Variants in SLC15A5 observed in about 807,000 individuals in gnomAD.
The protein encoded by SLC15A5 is Peptide/histidine transporter ENSP00000340402.
A neutral mutation model predicts 56.1 loss-of-function variants in SLC15A5; 58 were observed. The ratio of observed to expected loss-of-function variants is 1.03; its 90% CI spans 0.84 to 1.29. The LOEUF is 1.29. SLC15A5 is among the 50% of genes most tolerant of loss of function. SLC15A5 has a pLI of 0.00. For synonymous variants in SLC15A5, 264 were observed against 250.5 expected (o/e 1.05, Z -0.51); for missense variants, 681 against 672.1 (o/e 1.01, Z -0.15).
chr12:16,229,573 T>A (rs1234456337), intron 5 of SLC15A5, among the ~76,000 whole-genome samples: 1 of 151,878 alleles, frequency 6.6e-6, no homozygotes, highest in Non-Finnish European at 1.5e-5. Context: ...AAGAATTGGA[T>A]CTAAGTTTGT....
At chr12:16,209,498 C>CT (rs1297947626) in intron 7 of SLC15A5, among the ~76,000 whole-genome samples, 1 of 151,976 alleles carries the variant, frequency 6.6e-6, no homozygotes, top group Non-Finnish European at 1.5e-5. Context: ...TAACAAAGAC[C>CT]TTTTTTTCTG....
intron 2 of SLC15A5, among the ~76,000 whole-genome samples, chr12:16,262,572 A>G (rs901103683): frequency 2.0e-5 from 3 of 152,278 alleles, no homozygotes; most frequent in Admixed American, 6.5e-5. Context: ...AGCCAATGTC[A>G]TCATCAAATG....
At chr12:16,218,662 T>C (rs1263906702) in intron 6 of SLC15A5, among the ~76,000 whole-genome samples, 7 of 152,248 alleles carry the variant, frequency 4.6e-5, no homozygotes, top group Admixed American at 3.3e-4. Flanking sequence ...AGAAATAGTA[T>C]AGTAAAATAT....
At chr12:16,231,325 T>C (rs1313758256) in intron 5 of SLC15A5, among the ~76,000 whole-genome samples, 2 of 152,020 alleles carry the variant, frequency 1.3e-5, no homozygotes, top group Non-Finnish European at 2.9e-5. Flanking sequence ...GCAAAGAAAT[T>C]TGGAAAAGGT....
chr12:16,191,249 C>T (rs551954754), intron 8 of SLC15A5, among the ~76,000 whole-genome samples: 1 of 152,068 alleles, frequency 6.6e-6, no homozygotes, highest in South Asian at 2.1e-4. Context: ...GTCCCAGTAA[C>T]CCTCACAAGA....
chr12:16,191,601 A>G (rs889175567), intron 8 of SLC15A5, among the ~76,000 whole-genome samples: 1 of 152,096 alleles, frequency 6.6e-6, no homozygotes, highest in Non-Finnish European at 1.5e-5. Flanking sequence ...ACTTTTCCCC[A>G]TTTCTTTGCA....
At chr12:16,261,727 G>T (rs1864644946) in intron 2 of SLC15A5, among the ~76,000 whole-genome samples, 1 of 152,086 alleles carries the variant, frequency 6.6e-6, no homozygotes, top group African/African-American at 2.4e-5. Context: ...TCATATCCCT[G>T]CCAAAACTTG....
In SLC15A5 at chr12:16,194,402, A is replaced by G. The variant is rs1333154601; in HGVS notation, c.1535T>C (p.Phe512Ser). ...CAACAATGTTAATGATGCCAGGAAG[A>G]AGAAGAAGCTTTCTAAATTGCCTTT... Reference protein sequence around the residue: ...LNKGNLESFFFFLASLTLLNV... With the variant: ...LNKGNLESFFSFLASLTLLNV... Residue 512 changes from phenylalanine (F) to serine (S), a missense_variant, in exon 8 of 9, where the codon TTC (phenylalanine) becomes TCC (serine). Phe to Ser is a radical substitution (Grantham distance 155). Coordinates refer to ENST00000344941, the MANE Select transcript of SLC15A5 (RefSeq NM_001170798.1). 2.0e-6 allele frequency: 3 copies of G among 1,535,514 alleles called. No individual in the cohort carries two copies. In the East Asian group the frequency reaches 7.3e-5, roughly 38 times the overall value.
At chr12:16,250,127 T>G (rs984790333) in intron 3 of SLC15A5, among the ~76,000 whole-genome samples, 7 of 152,058 alleles carry the variant, frequency 4.6e-5, no homozygotes, top group Admixed American at 3.9e-4. Context: ...TGGTTCCACT[T>G]CAGCTCTTTT....
chr12:16,201,997 T>C (rs375267348), intron 7 of SLC15A5, among the ~76,000 whole-genome samples: 3 of 152,108 alleles, frequency 2.0e-5, no homozygotes, highest in East Asian at 3.9e-4. Flanking sequence ...GACATGAAAC[T>C]GTAAAACTAC....
At chr12:16,213,377 C>G (rs1864101817) in intron 7 of SLC15A5, among the ~76,000 whole-genome samples, 1 of 152,122 alleles carries the variant, frequency 6.6e-6, no homozygotes, top group African/African-American at 2.4e-5. Context: ...GATTCAAATT[C>G]AGGTGGTCTG....
intron 2 of SLC15A5, among the ~76,000 whole-genome samples, chr12:16,270,158 A>G (rs549521306): frequency 6.6e-6 from 1 of 152,284 alleles, no homozygotes; most frequent in Non-Finnish European, 1.5e-5. Context: ...TCTCACCTAC[A>G]TTTGGCAGCT....
At chr12:16,215,116 T>A (rs956732159) in intron 7 of SLC15A5, among the ~76,000 whole-genome samples, 1 of 148,226 alleles carries the variant, frequency 6.7e-6, no homozygotes, top group Non-Finnish European at 1.5e-5. Context: ...GGCAGGAGAA[T>A]TGCTTGAACT....
At chr12:16,242,071 C>T (rs1864419015) in intron 4 of SLC15A5, among the ~76,000 whole-genome samples, 1 of 152,102 alleles carries the variant, frequency 6.6e-6, no homozygotes, top group East Asian at 1.9e-4. Context: ...CCAGTAATGT[C>T]AAATGGCAAC....
chr12:16,199,881 A>G (rs996577269), intron 7 of SLC15A5, among the ~76,000 whole-genome samples: 11 of 152,248 alleles, frequency 7.2e-5, no homozygotes, highest in African/African-American at 2.6e-4. Context: ...ATAGCCATGT[A>G]TGCTTGACAC....
Position 16,235,270 on chromosome 12 carries a change from ATG to A in SLC15A5, c.1162+4409_1162+4410del, listed in dbSNP as rs1491099572. On this transcript the variant is annotated intron_variant, in intron 5 of 8. Transcript: ENST00000344941. This position sits in a 1 kb window ranked among gnomAD's most constrained non-coding sequence, Gnocchi z 4.1. ...AGTATATATGTGTATATATATGTAT[ATG>A]TATATATATGTATATATGTATATGT... Among the ~76,000 whole-genome samples the A allele has an allele frequency of 3.5e-3, 448 of 126,454 alleles. 3 individuals are homozygous for A. Among genetic ancestry groups the A allele is most frequent in the Non-Finnish European group, 4.5e-3 (270 of 59,408 alleles). The allele number at this position is 126,454 out of a possible 152,430, so 83.0% of individuals were successfully genotyped here. A position where few individuals can be genotyped will look rare whatever the true frequency, so the allele number is the denominator to read the frequency against.
At chr12:16,210,682 A>G (rs1029966207) in intron 7 of SLC15A5, among the ~76,000 whole-genome samples, 4 of 152,160 alleles carry the variant, frequency 2.6e-5, no homozygotes, top group Non-Finnish European at 4.4e-5. Flanking sequence ...TTAAGTAATG[A>G]GCTCAAGACC....
In SLC15A5 at chr12:16,269,337, C is replaced by T. The variant is rs567679613; in HGVS notation, c.584+3224G>A. 1.4e-4 allele frequency among the ~76,000 whole-genome samples: 22 copies of T among 152,282 alleles called. No individual in the cohort carries two copies. The highest frequency in any genetic ancestry group is 5.3e-4 in the African/African-American group (22 of 41,564). ...AACACTGCGTTGGAACAGTGGTTCT[C>T]AACTCTAACTGGGCAGCTTTAAAAA... On this transcript the variant is annotated intron_variant, in intron 2 of 8. Coordinates refer to ENST00000344941, the MANE Select transcript of SLC15A5 (RefSeq NM_001170798.1). The surrounding 1 kb of genome is among the most constrained non-coding windows in gnomAD (Gnocchi z 4.7).
rs1301794145 is a variant in SLC15A5, at chr12:16,271,283, A to G, written c.584+1278T>C. The stretch of plus-strand genomic sequence containing the variant: ...GAATGACTAAGACCACAGTACAATA[A>G]ATTCTCCAGAGCTATCTTTCAGAAC... On this transcript the variant is annotated intron_variant, in intron 2 of 8. Transcript: ENST00000344941. The surrounding 1 kb of genome is among the most constrained non-coding windows in gnomAD (Gnocchi z 8.0). 1.3e-5 allele frequency among the ~76,000 whole-genome samples: 2 copies of G among 152,158 alleles called. No homozygotes were observed. The highest frequency in any genetic ancestry group is 2.9e-5 in the Non-Finnish European group (2 of 68,028).
Sources: gnomAD v4.1 joint callset for allele counts (sites outside exome capture counted in the v4.1 genomes callset) on GRCh38, gnomAD v4.1.1 for gene constraint, Gnocchi (gnomAD v3.1) non-coding constraint, MANE v1.5 for transcripts, NCBI Gene and HGNC (gene_info 2026-07-23, HGNC 2026-07-21) for gene names.